Variants in NOVA1 observed in about 807,000 individuals in gnomAD.
NOVA1 encodes the protein RNA-binding protein Nova-1.
Under a neutral mutation model 38.0 loss-of-function variants are expected in NOVA1, and 7 were observed. The ratio of observed to expected loss-of-function variants is 0.18; its 90% CI spans 0.10 to 0.35. The LOEUF (loss-of-function observed/expected upper bound fraction) is 0.35, where lower values mean the gene tolerates loss of function less well. NOVA1 is among the 10% of genes least tolerant of loss of function. NOVA1 has a pLI of 1.00. For synonymous variants in NOVA1, 270 were observed against 232.5 expected, an observed-to-expected ratio of 1.16 and a Z score of -1.47; for missense variants, 460 against 616.0, an observed-to-expected ratio of 0.75 and a Z score of 2.68.
chr14:26,559,462 T>A (rs1891689117), intron 2 of NOVA1, among the ~76,000 whole-genome samples: 1 of 152,174 alleles, frequency 6.6e-6, no homozygotes, highest in Admixed American at 6.6e-5. Flanking sequence ...GATCCTCTTA[T>A]TATTAATTGC....
intron 4 of NOVA1, among the ~76,000 whole-genome samples, chr14:26,464,365 T>C (rs1193972183): frequency 6.6e-6 from 1 of 152,208 alleles, no homozygotes; most frequent in African/African-American, 2.4e-5. Flanking sequence ...AGTAACATGC[T>C]GTATAGGTTT....
chr14:26,447,863 A>G lies in NOVA1; in HGVS notation c.*96T>C, dbSNP rs1034482002. 8.3e-6 allele frequency: 7 copies of G among 839,802 alleles called. No individual in the cohort carries two copies. The highest frequency in any genetic ancestry group is 5.1e-5 in the East Asian group (2 of 39,240). 52.0% of individuals were successfully genotyped at this position (839,802 alleles called of 1,614,324 possible). On this transcript the variant is annotated 3_prime_UTR_variant, in exon 5 of 5. Transcript: ENST00000539517. Reference sequence around the variant, plus strand: ...CATTCATTTGCATAATTATATATTAATAACAGAAAAACTTCACTTCTGCAA... The same window carrying G: ...CATTCATTTGCATAATTATATATTAGTAACAGAAAAACTTCACTTCTGCAA...
At chr14:26,463,102 A>G (rs951464495) in intron 4 of NOVA1, among the ~76,000 whole-genome samples, 1 of 152,160 alleles carries the variant, frequency 6.6e-6, no homozygotes, top group African/African-American at 2.4e-5. Flanking sequence ...CATTTTAAAT[A>G]GCTTCACCAG....
At chr14:26,509,310 T>C (rs1392167523) in intron 2 of NOVA1, among the ~76,000 whole-genome samples, 1 of 152,090 alleles carries the variant, frequency 6.6e-6, no homozygotes, top group Non-Finnish European at 1.5e-5. Context: ...CATGGAGGAA[T>C]GAGATTGGTG....
chr14:26,482,150 C>T (rs1215680789), intron 2 of NOVA1, among the ~76,000 whole-genome samples: 1 of 152,094 alleles, frequency 6.6e-6, no homozygotes, highest in African/African-American at 2.4e-5. Context: ...GTGGAAATTA[C>T]TGAGCCATAA....
intron 3 of NOVA1, among the ~76,000 whole-genome samples, chr14:26,476,110 A>T (rs1884965948): frequency 2.0e-5 from 3 of 152,326 alleles, no homozygotes; most frequent in African/African-American, 7.2e-5. Context: ...TACTGTACCA[A>T]AATGAATAAA....
intron 4 of NOVA1, among the ~76,000 whole-genome samples, chr14:26,454,448 T>C (rs1882989350): frequency 6.6e-6 from 1 of 152,178 alleles, no homozygotes; most frequent in Non-Finnish European, 1.5e-5. Flanking sequence ...CTAGTGGCTA[T>C]CTTACCACTA....
intron 2 of NOVA1, among the ~76,000 whole-genome samples, chr14:26,535,774 G>A (rs541621641): frequency 3.3e-5 from 5 of 151,834 alleles, no homozygotes; most frequent in East Asian, 3.9e-4. Context: ...TGGTTAACGC[G>A]GTGAAAACCC....
At position 26,446,080 on chromosome 14, in the gene NOVA1, C is replaced by G. The variant is rs1178371386; in HGVS notation, c.*1879G>C. The G allele has an allele frequency of 1.3e-5, 2 of 152,402 alleles. No homozygotes were observed. Among genetic ancestry groups the G allele is most frequent in the East Asian group, 3.9e-4 (2 of 5,166 alleles). The allele number at this position is 152,402 out of a possible 1,614,324, so 9.4% of individuals were successfully genotyped here. The stretch of plus-strand genomic sequence containing the variant: ...CTTTCATTTAAACAAGCATATCATT[C>G]CCTTTTAAAATCATTCTCTAAATAA... On this transcript the variant is annotated 3_prime_UTR_variant, in exon 5 of 5. Transcript: ENST00000539517.
At chr14:26,587,791 T>A (rs975366408) in intron 2 of NOVA1, among the ~76,000 whole-genome samples, 19 of 151,142 alleles carry the variant, frequency 1.3e-4, no homozygotes, top group Admixed American at 4.6e-4. Flanking sequence ...ATGTTTTTTT[T>A]TAAAATAGTA....
chr14:26,570,951 T>A (rs1399794279), intron 2 of NOVA1, among the ~76,000 whole-genome samples: 1 of 151,874 alleles, frequency 6.6e-6, no homozygotes, highest in Non-Finnish European at 1.5e-5. Flanking sequence ...AAGAAAAGTA[T>A]TTTTTCTCGT....
chr14:26,458,799 C>G (rs1057280991), intron 4 of NOVA1, among the ~76,000 whole-genome samples: 1 of 151,828 alleles, frequency 6.6e-6, no homozygotes, highest in Non-Finnish European at 1.5e-5. Flanking sequence ...CACATACCCC[C>G]AAATCTAAAA....
At chr14:26,556,564 T>C (rs933966530) in intron 2 of NOVA1, among the ~76,000 whole-genome samples, 1 of 152,224 alleles carries the variant, frequency 6.6e-6, no homozygotes, top group Admixed American at 6.5e-5. Context: ...GAAGATAACA[T>C]AGGATAAAAT....
chr14:26,535,540 A>G (rs565712589), intron 2 of NOVA1, among the ~76,000 whole-genome samples: 47 of 152,348 alleles, frequency 3.1e-4, no homozygotes, highest in African/African-American at 1.1e-3. Context: ...GGACCAGAAT[A>G]AATAGCCCTT....
chr14:26,528,358 GC>G (rs2138537159), intron 2 of NOVA1, among the ~76,000 whole-genome samples: 1 of 152,238 alleles, frequency 6.6e-6, no homozygotes, highest in African/African-American at 2.4e-5. Context: ...ATTTCAAGGA[GC>G]AAAAGATGTT....
chr14:26,565,194 T>G (rs757790175), intron 2 of NOVA1, among the ~76,000 whole-genome samples: 34 of 152,184 alleles, frequency 2.2e-4, no homozygotes, highest in Non-Finnish European at 4.4e-4. Flanking sequence ...CTATCTACAC[T>G]CACTGTACTT....
At chr14:26,485,927 T>C (rs977561247) in intron 2 of NOVA1, among the ~76,000 whole-genome samples, 10 of 152,150 alleles carry the variant, frequency 6.6e-5, no homozygotes, top group African/African-American at 1.4e-4. Context: ...TGACAATCTA[T>C]AGCAATAATT....
chr14:26,570,145 G>A (rs537913236), intron 2 of NOVA1, among the ~76,000 whole-genome samples: 44 of 152,174 alleles, frequency 2.9e-4, no homozygotes, highest in Non-Finnish European at 5.0e-4. Flanking sequence ...TCAGGCGTTC[G>A]AGATCAGCCT....
In NOVA1 at chr14:26,444,638, C is replaced by T. The variant is rs147088634; in HGVS notation, c.*3321G>A. On this transcript the variant is annotated 3_prime_UTR_variant, in exon 5 of 5. Coordinates refer to ENST00000539517, the MANE Select transcript of NOVA1 (RefSeq NM_002515.3). ...AATCATTCAATGAGAAAATGACTTC[C>T]ACAGAAATAGATACATTTAACTGTT... 1 of 152,004 alleles carries T rather than the reference C, an allele frequency of 6.6e-6. No individual in the cohort carries two copies. The highest frequency in any genetic ancestry group is 1.5e-5 in the Non-Finnish European group (1 of 67,974). The allele number at this position is 152,004 out of a possible 1,614,324, so 9.4% of individuals were successfully genotyped here. A position where few individuals can be genotyped will look rare whatever the true frequency, so the allele number is the denominator to read the frequency against.
Sources: allele counts gnomAD v4.1 joint callset (sites outside exome capture counted in the v4.1 genomes callset), GRCh38; gene constraint gnomAD v4.1.1; transcripts MANE v1.5; gene names NCBI Gene and HGNC (gene_info 2026-07-23, HGNC 2026-07-21).